The following KAT6A variants were observed in gnomAD, a reference collection of about 807,000 sequenced individuals.
The protein encoded by KAT6A is lysine acetyltransferase 6A.
In KAT6A, 9 loss-of-function variants were observed where a neutral mutation model predicts 198.4. The ratio of observed to expected loss-of-function variants is 0.05; its 90% CI spans 0.03 to 0.08. The LOEUF (loss-of-function observed/expected upper bound fraction) is 0.08, where lower values mean the gene tolerates loss of function less well. Ranked by LOEUF, KAT6A falls within the 10% of genes least tolerant of loss-of-function variation. The pLI, the probability that KAT6A is intolerant of heterozygous loss-of-function variation, is 1.00. For synonymous variants in KAT6A, 890 were observed against 883.0 expected, an observed-to-expected ratio of 1.01 and a Z score of -0.14; for missense variants, 2,077 against 2,509.9, an observed-to-expected ratio of 0.83 and a Z score of 3.69.
In KAT6A at chr8:41,950,167, A is replaced by C. The variant is rs1306180871; in HGVS notation, c.1599-804T>G. Among the ~76,000 whole-genome samples the C allele has an allele frequency of 4.5e-4, 68 of 152,358 alleles. 1 individual carries two copies. On this transcript the variant is annotated intron_variant, in intron 9 of 16. Transcript: ENST00000265713. Reference sequence around the variant, plus strand: ...AGCAGGAGCTAAGAGCATGGAAAGCAGTGTGTTGTTGGCTACTTTGTTTCC... The same window carrying C: ...AGCAGGAGCTAAGAGCATGGAAAGCCGTGTGTTGTTGGCTACTTTGTTTCC...
intron 2 of KAT6A, among the ~76,000 whole-genome samples, chr8:42,016,126 T>G (rs1221963547): frequency 6.6e-6 from 1 of 152,188 alleles, no homozygotes; most frequent in Non-Finnish European, 1.5e-5. Flanking sequence ...TGTCCTCCCT[T>G]ACACAAATAA....
rs1587713969 is a variant in KAT6A at position 41,937,341 on chromosome 8, A to C, written c.3267T>G (p.Ser1089=). ...LFPREYFRRL[S]SQDVLRCQSS... Reference sequence around the variant, plus strand: ...ACTGACACCTGAGTACATCCTGCGAAGACAAACGACGGAAGTATTCTCTAG... The same window carrying C: ...ACTGACACCTGAGTACATCCTGCGACGACAAACGACGGAAGTATTCTCTAG... Residue 1089 remains serine (S), a synonymous_variant, in exon 16 of 17, where the codon TCT becomes TCG. Transcript: ENST00000265713. 1 of 1,613,992 alleles carries C rather than the reference A, an allele frequency of 6.2e-7. No individual in the cohort carries two copies. Among genetic ancestry groups the C allele is most frequent in the African/African-American group, 1.3e-5 (1 of 74,926 alleles).
chr8:42,044,669 T>C (rs1250746162), intron 2 of KAT6A, among the ~76,000 whole-genome samples: 3 of 152,212 alleles, frequency 2.0e-5, no homozygotes, highest in Admixed American at 6.5e-5. Context: ...CACGCAGTCT[T>C]TGAATTTCAT....
At chr8:42,019,440 GAAGAA>G (rs970254101) in intron 2 of KAT6A, among the ~76,000 whole-genome samples, 14 of 152,308 alleles carry the variant, frequency 9.2e-5, no homozygotes, top group Middle Eastern at 3.4e-3. Flanking sequence ...GGTCAGAAGA[GAAGAA>G]AAGTAACATC....
intron 2 of KAT6A, among the ~76,000 whole-genome samples, chr8:42,027,591 A>G (rs1308448543): frequency 6.6e-6 from 1 of 152,120 alleles, no homozygotes; most frequent in Non-Finnish European, 1.5e-5. Context: ...ACAGTTGTTC[A>G]TAATAGTTGC....
chr8:42,047,482 T>A (rs1299835790), intron 2 of KAT6A, among the ~76,000 whole-genome samples: 1 of 152,144 alleles, frequency 6.6e-6, no homozygotes. Context: ...GGTGACAGCA[T>A]AGCTCACTGG....
chr8:42,010,516 C>T (rs551309043), intron 2 of KAT6A, among the ~76,000 whole-genome samples: 18 of 152,254 alleles, frequency 1.2e-4, no homozygotes, highest in African/African-American at 3.9e-4. Context: ...CAAGAAAACC[C>T]AGAGCTCTGC....
intron 12 of KAT6A, among the ~76,000 whole-genome samples, chr8:41,945,654 A>T (rs1035345946): frequency 6.6e-6 from 1 of 152,196 alleles, no homozygotes; most frequent in African/African-American, 2.4e-5. Context: ...ACTGAGTTCC[A>T]TTGTAAATGA....
At chr8:41,967,347 C>A (rs1823559511) in intron 8 of KAT6A, among the ~76,000 whole-genome samples, 1 of 149,274 alleles carries the variant, frequency 6.7e-6, no homozygotes, top group South Asian at 2.1e-4. Context: ...GCACAATGTG[C>A]AGGTTAGTTA....
chr8:41,971,175 G>A (rs1221019325), intron 8 of KAT6A, among the ~76,000 whole-genome samples: 4 of 148,376 alleles, frequency 2.7e-5, no homozygotes, highest in South Asian at 2.1e-4. Flanking sequence ...ATACATATAC[G>A]TAACAAACCT....
At chr8:41,972,358 A>G (rs1823837960) in intron 8 of KAT6A, among the ~76,000 whole-genome samples, 1 of 152,218 alleles carries the variant, frequency 6.6e-6, no homozygotes, top group African/African-American at 2.4e-5. Flanking sequence ...TTGATGAAAA[A>G]CAGGTTATCT....
chr8:41,970,106 T>C (rs1729058070), intron 8 of KAT6A, among the ~76,000 whole-genome samples: 1 of 89,992 alleles, frequency 1.1e-5, no homozygotes, highest in South Asian at 4.9e-4. Flanking sequence ...TTATTATCTG[T>C]CTGTTTGTGA....
chr8:41,940,760 T>C (rs1002164096), intron 15 of KAT6A, 82 bp downstream of exon 15: 22 of 1,501,314 alleles, frequency 1.5e-5, no homozygotes, highest in East Asian at 4.5e-5. Context: ...ACTTATACTC[T>C]TTCAGAACTG....
intron 2 of KAT6A, among the ~76,000 whole-genome samples, chr8:42,009,739 A>C (rs1359011783): frequency 6.6e-6 from 1 of 151,570 alleles, no homozygotes; most frequent in Non-Finnish European, 1.5e-5. Context: ...TCTCTACAAA[A>C]AATTTTAAGT....
intron 5 of KAT6A, 103 bp downstream of exon 5, chr8:41,980,743 A>G: frequency 1.1e-6 from 1 of 881,046 alleles, no homozygotes; most frequent in Non-Finnish European, 1.9e-6. Flanking sequence ...CAACCTCAAA[A>G]AGAAAGATCC....
chr8:41,959,140 GAC>G (rs1293555304), intron 8 of KAT6A, among the ~76,000 whole-genome samples: 2 of 122,204 alleles, frequency 1.6e-5, no homozygotes, highest in African/African-American at 6.7e-5. Flanking sequence ...CAGCCTGGGT[GAC>G]AGAGCCAGAC....
In KAT6A at chr8:42,048,687, C is replaced by A; in HGVS notation, c.291G>T (p.Val97=). The A allele has an allele frequency of 1.2e-6, 2 of 1,614,196 alleles. No homozygotes were observed. The highest frequency in any genetic ancestry group is 2.2e-5 in the South Asian group (2 of 91,088). Residue 97 remains valine, a synonymous_variant, in exon 2 of 17, where the codon GTG becomes GTT. Coordinates refer to ENST00000265713, the MANE Select transcript of KAT6A (RefSeq NM_006766.5). ...NHGKLDNKQN[V]DWNKLIKRAV... ...CCCGCTTTATCAGTTTATTCCAATC[C>A]ACATTTTGTTTATTATCCAATTTTC...
chr8:41,973,295 G>T (rs1318781204), intron 8 of KAT6A, among the ~76,000 whole-genome samples: 2 of 150,896 alleles, frequency 1.3e-5, no homozygotes, highest in African/African-American at 4.9e-5. Context: ...GCACGATCTC[G>T]GCTCACTGCA....
chr8:41,978,775 T>C lies in KAT6A; in HGVS notation c.910A>G (p.Met304Val). 6.2e-7 allele frequency: 1 copy of C among 1,612,466 alleles called. No homozygotes were observed. Among genetic ancestry groups the C allele is most frequent in the Non-Finnish European group, 8.5e-7 (1 of 1,179,354 alleles). The change falls in exon 6 of 17, where the codon ATG becomes GTG. Residue 304 changes from methionine to valine, a missense_variant and splice_region_variant. Physicochemically the swap from Met to Val is conservative, Grantham distance 21. This residue lies in a region of KAT6A where 89 missense variants were observed against 154.4 expected (regional missense o/e 0.58). Transcript: ENST00000265713. ...GGTCGACATATTTGACATATCCACA[T>C]GCCTATAAAAAAATAAAATTCCACA... ...DPPLTRMPKG[M>V]WICQICRPRK...
Sources: gnomAD v4.1 joint callset for allele counts (sites outside exome capture counted in the v4.1 genomes callset) on GRCh38, gnomAD v4.1.1 for gene constraint, gnomAD v4.1.1 regional missense constraint, MANE v1.5 for transcripts, NCBI Gene and HGNC (gene_info 2026-07-23, HGNC 2026-07-21) for gene names.